AP5M1: variants seen among roughly 807,000 people sequenced by gnomAD.
The protein encoded by AP5M1 is AP-5 complex subunit mu-1.
AP5M1 carries 44 observed loss-of-function variants against 52.3 expected under a neutral mutation model. That is an observed-to-expected ratio of 0.84 (90% CI 0.66 to 1.08). AP5M1 has a LOEUF of 1.08. Ranked by LOEUF, AP5M1 falls within the 50% of genes least tolerant of loss-of-function variation. The pLI is 0.00. For synonymous variants in AP5M1, 213 were observed against 199.0 expected, an observed-to-expected ratio of 1.07 and a Z score of -0.59; for missense variants, 526 against 568.4, an observed-to-expected ratio of 0.93 and a Z score of 0.76.
chr14:57,277,944 A>G (rs1885080968), intron 2 of AP5M1, among the ~76,000 whole-genome samples: 2 of 152,250 alleles, frequency 1.3e-5, no homozygotes, highest in South Asian at 2.1e-4. Context: ...GCGTGGTGCA[A>G]TCTAATATAT....
chr14:57,274,175 T>TA lies in AP5M1; in HGVS notation c.75-62dup, dbSNP rs1566513591. On this transcript the variant is annotated intron_variant, in intron 1 of 7. Transcript: ENST00000261558. Reference sequence around the variant, plus strand: ...CTGTTTGCCTTATATTTGAGAGTTTTAAAAAAATTCTTTCATCTTGATTTT... The same window carrying TA: ...CTGTTTGCCTTATATTTGAGAGTTTTAAAAAAAATTCTTTCATCTTGATTTT... 23 of 1,492,634 alleles carry TA rather than the reference T, an allele frequency of 1.5e-5. No homozygotes were observed. The South Asian group carries it at 2.2e-4, about 14-fold the overall frequency. The allele number at this position is 1,492,634 out of a possible 1,614,324, so 92.5% of individuals were successfully genotyped here. A position where few individuals can be genotyped will look rare whatever the true frequency, so the allele number is the denominator to read the frequency against.
At position 57,282,123 on chromosome 14, in the gene AP5M1, T is replaced by C. The variant is rs751586219; in HGVS notation, c.983T>C (p.Met328Thr). The change falls in exon 4 of 8, where the codon ATG (methionine) becomes ACG (threonine). Residue 328 changes from methionine to threonine, a missense_variant. Coordinates refer to ENST00000261558, the MANE Select transcript of AP5M1 (RefSeq NM_018229.4). Reference protein sequence around the residue: ...PVPPILGFYQMKEEEVQLRIT... With the variant: ...PVPPILGFYQTKEEEVQLRIT... Reference sequence around the variant, plus strand: ...CCACCAATTTTGGGTTTTTATCAAATGAAGGAGGAAGAAGTACAACTAAGA... The same window carrying C: ...CCACCAATTTTGGGTTTTTATCAAACGAAGGAGGAAGAAGTACAACTAAGA... 1.3e-6 allele frequency: 2 copies of C among 1,574,560 alleles called. No homozygotes were observed. The highest frequency in any genetic ancestry group is 1.7e-6 in the Non-Finnish European group (2 of 1,166,052).
chr14:57,287,275 G>C (rs1353075984), intron 7 of AP5M1, among the ~76,000 whole-genome samples: 1 of 151,960 alleles, frequency 6.6e-6, no homozygotes, highest in Non-Finnish European at 1.5e-5. Flanking sequence ...AAGGATTAGG[G>C]TTCCTAAAAT....
At chr14:57,284,984 C>A (rs771707445) in intron 6 of AP5M1, among the ~76,000 whole-genome samples, 1 of 150,838 alleles carries the variant, frequency 6.6e-6, no homozygotes, top group Admixed American at 6.6e-5. Flanking sequence ...TAGGAATTAG[C>A]CACAGAGAAC....
intron 4 of AP5M1, among the ~76,000 whole-genome samples, chr14:57,282,486 C>T (rs971251991): frequency 4.6e-5 from 7 of 151,976 alleles, no homozygotes; most frequent in East Asian, 3.9e-4. Context: ...ATTTTTCTAC[C>T]GGATTTATTT....
At chr14:57,283,962 G>A (rs554496304) in intron 6 of AP5M1, among the ~76,000 whole-genome samples, 1 of 152,178 alleles carries the variant, frequency 6.6e-6, no homozygotes. Flanking sequence ...ATTCCAGCCT[G>A]GGCGATAGAG....
rs748880199 is a variant in AP5M1, at chr14:57,274,371, T to C, written c.202T>C (p.Phe68Leu). ...ELRLLDDDKD[F>L]VESRDSCSRI... ...TAGATTATTGGATGATGATAAAGAC[T>C]TCGTTGAGAGTCGTGATAGCTGTTC... is the stretch of plus-strand genomic sequence containing the variant. The change falls in exon 2 of 8, where the codon TTC (phenylalanine) becomes CTC (leucine). Residue 68 changes from phenylalanine to leucine, a missense_variant. By Grantham distance (22) the Phe-to-Leu change is conservative (BLOSUM62 0). This residue lies in a region of AP5M1 where 425 missense variants were observed against 430.6 expected (regional missense o/e 0.99). Transcript: ENST00000261558. 6.8e-6 allele frequency: 11 copies of C among 1,614,068 alleles called. No homozygotes were observed. The highest frequency in any genetic ancestry group is 8.5e-6 in the Non-Finnish European group (10 of 1,180,032).
At position 57,268,990 on chromosome 14, in the gene AP5M1, A is replaced by G. The variant is rs745798809; in HGVS notation, c.-325A>G. 11 of 564,080 alleles carry G rather than the reference A, an allele frequency of 2.0e-5. No individual in the cohort carries two copies. The highest frequency in any genetic ancestry group is 6.8e-5 in the South Asian group (3 of 43,806). The allele number at this position is 564,080 out of a possible 1,614,324, so 34.9% of individuals were successfully genotyped here. A position where few individuals can be genotyped will look rare whatever the true frequency, so the allele number is the denominator to read the frequency against. ...GAAAAAAGGCTCGACGCTACCGTGT[A>G]TGAGGAACTTTGATCCTTGCGGGCC... On this transcript the variant is annotated 5_prime_UTR_variant, in exon 1 of 8. The change abolishes an upstream ATG in the 5' untranslated region. Transcript: ENST00000261558.
At position 57,289,494 on chromosome 14, in the gene AP5M1, T is replaced by G. The variant is rs1485587080; in HGVS notation, c.*610T>G. 1 of 151,998 alleles carries G rather than the reference T, an allele frequency of 6.6e-6. No homozygotes were observed. Among genetic ancestry groups the G allele is most frequent in the Non-Finnish European group, 1.5e-5 (1 of 67,948 alleles). 9.4% of individuals were successfully genotyped at this position (151,998 alleles called of 1,614,324 possible). A position where few individuals can be genotyped will look rare whatever the true frequency, so the allele number is the denominator to read the frequency against. ...TCTTAATCAGAACTATCCTATTGAC[T>G]AATAAATAATCTGCATAATTCTACT... On this transcript the variant is annotated 3_prime_UTR_variant, in exon 8 of 8. Coordinates refer to ENST00000261558, the MANE Select transcript of AP5M1 (RefSeq NM_018229.4).
chr14:57,286,986 C>T (rs1293446507), intron 7 of AP5M1, among the ~76,000 whole-genome samples: 6 of 131,994 alleles, frequency 4.5e-5, no homozygotes, highest in Non-Finnish European at 7.5e-5. Flanking sequence ...TATGTGTGTA[C>T]ACACACACAT....
In AP5M1 at chr14:57,276,214, A is replaced by G. The variant is rs536227833; in HGVS notation, c.720+1325A>G. ...AAATGGCTCCAAAATTGAGGTGTTC[A>G]TGGATTATGTCATTCTTAAGTTTTA... On this transcript the variant is annotated intron_variant, in intron 2 of 7. Coordinates refer to ENST00000261558, the MANE Select transcript of AP5M1 (RefSeq NM_018229.4). Among the ~76,000 whole-genome samples, 5 of 152,308 alleles carry G rather than the reference A, an allele frequency of 3.3e-5. No individual in the cohort carries two copies. The South Asian group carries it at 1.0e-3, about 32-fold the overall frequency.
In AP5M1 at chr14:57,280,251, TGG is replaced by T. The variant is rs764471718; in HGVS notation, c.778_779del (p.Gly260IlefsTer16). The T allele has an allele frequency of 3.1e-6, 5 of 1,613,942 alleles. No individual in the cohort carries two copies. The South Asian group carries it at 5.5e-5, about 18-fold the overall frequency. ...VTISLSLPTN[G>X]SPLQDILVHP... ...CCATCAGCTTGAGTCTCCCCACCAA[TGG>T]ATCTCCACTTCAGGATATTCTAGTT... On this transcript the variant is annotated frameshift_variant, in exon 3 of 8. Coordinates refer to ENST00000261558, the MANE Select transcript of AP5M1 (RefSeq NM_018229.4). LOFTEE classifies it high-confidence loss of function.
At chr14:57,282,898 A>G (rs769108367) in intron 4 of AP5M1, 36 bp from the exon 5 acceptor site, 39 of 1,405,034 alleles carry the variant, frequency 2.8e-5, no homozygotes, top group Non-Finnish European at 3.8e-5. Context: ...TGTTATATCT[A>G]TGATCTTTTT....
At chr14:57,282,850 A>G in intron 4 of AP5M1, 84 bp from the exon 5 acceptor site, 1 of 817,170 alleles carries the variant, frequency 1.2e-6, no homozygotes, top group South Asian at 1.8e-5. Context: ...CCTTGTATTA[A>G]GTAACAGTGG....
At position 57,298,479 on chromosome 14, in the gene AP5M1, G is replaced by A. The variant is rs986727896; in HGVS notation, c.*9595G>A. 1 of 152,128 alleles carries A rather than the reference G, an allele frequency of 6.6e-6. No homozygotes were observed. Among genetic ancestry groups the A allele is most frequent in the African/African-American group, 2.4e-5 (1 of 41,420 alleles). The allele number at this position is 152,128 out of a possible 1,614,324, so 9.4% of individuals were successfully genotyped here. A position where few individuals can be genotyped will look rare whatever the true frequency, so the allele number is the denominator to read the frequency against. On this transcript the variant is annotated 3_prime_UTR_variant, in exon 8 of 8. Coordinates refer to ENST00000261558, the MANE Select transcript of AP5M1 (RefSeq NM_018229.4). The stretch of plus-strand genomic sequence containing the variant: ...TCTTCAGTTTCCTCCCAACTTTGTA[G>A]GGTTATTGTGAGCATTGAATGATAC...
In AP5M1 at chr14:57,289,146, T is replaced by C. The variant is rs1271948996; in HGVS notation, c.*262T>C. ...AAGTAATGATTCACTTGGGCTCATT[T>C]TAGACTGGTCCTGGGTCACCCTGCC... On this transcript the variant is annotated 3_prime_UTR_variant, in exon 8 of 8. Transcript: ENST00000261558. 4.1e-6 allele frequency: 1 copy of C among 246,104 alleles called. No individual in the cohort carries two copies. Among genetic ancestry groups the C allele is most frequent in the Non-Finnish European group, 7.7e-6 (1 of 129,426 alleles). The allele number at this position is 246,104 out of a possible 1,614,324, so 15.2% of individuals were successfully genotyped here.
intron 1 of AP5M1, among the ~76,000 whole-genome samples, chr14:57,269,591 G>C (rs1002959853): frequency 9.2e-5 from 14 of 152,034 alleles, no homozygotes; most frequent in African/African-American, 3.1e-4. Flanking sequence ...TTGATGACTG[G>C]TACATATTAT....
At chr14:57,281,063 A>T (rs756004798) in intron 3 of AP5M1, among the ~76,000 whole-genome samples, 1 of 152,112 alleles carries the variant, frequency 6.6e-6, no homozygotes, top group African/African-American at 2.4e-5. Flanking sequence ...TGAATTACAA[A>T]TATATATTAT....
chr14:57,278,088 A>C (rs1885083384), intron 2 of AP5M1, among the ~76,000 whole-genome samples: 1 of 152,172 alleles, frequency 6.6e-6, no homozygotes, highest in Non-Finnish European at 1.5e-5. Context: ...AATAGAGGTG[A>C]ATTTCAAGAT....
Sources: gnomAD v4.1 joint callset for allele counts (sites outside exome capture counted in the v4.1 genomes callset) on GRCh38, gnomAD v4.1.1 for gene constraint, gnomAD v4.1.1 regional missense constraint, MANE v1.5 for transcripts, NCBI Gene and HGNC (gene_info 2026-07-23, HGNC 2026-07-21) for gene names.